The following CELF2 variants were observed in gnomAD, a reference collection of about 807,000 sequenced individuals.
CELF2 encodes the protein CUG triplet repeat RNA-binding protein 2.
Under a neutral mutation model 62.6 loss-of-function variants are expected in CELF2, and 8 were observed. The ratio of observed to expected loss-of-function variants is 0.13; its 90% CI spans 0.07 to 0.23. CELF2 has a LOEUF of 0.23. CELF2 is among the 10% of genes least tolerant of loss of function. CELF2 has a pLI of 1.00. For missense variants in CELF2, 333 were observed against 671.0 expected (o/e 0.50, Z 5.56); for synonymous variants, 258 against 250.0 (o/e 1.03, Z -0.30).
the CELF2 span, among the ~76,000 whole-genome samples, chr10:10,463,994 T>A: frequency 6.6e-6 from 1 of 151,956 alleles, no homozygotes; most frequent in Admixed American, 6.6e-5. Context: ...TTTTGAAGGT[T>A]GTATGCTATT....
chr10:10,709,473 C>T, the CELF2 span, among the ~76,000 whole-genome samples: 1 of 152,106 alleles, frequency 6.6e-6, no homozygotes, highest in African/African-American at 2.4e-5. Context: ...AACTTTGAAG[C>T]TTGCAAAATT....
chr10:11,081,670 A>C (rs891533698), intron 1 of CELF2, among the ~76,000 whole-genome samples: 3 of 152,238 alleles, frequency 2.0e-5, no homozygotes, highest in Non-Finnish European at 2.9e-5. Context: ...ATTTAGAAAT[A>C]GATGAAAATT....
the CELF2 span, among the ~76,000 whole-genome samples, chr10:10,651,598 C>G: frequency 1.4e-5 from 2 of 144,560 alleles, no homozygotes; most frequent in Non-Finnish European, 1.5e-5. Flanking sequence ...GAGGCACCCC[C>G]CAGCAGGGGC....
At chr10:11,104,992 A>G (rs1230945968) in intron 1 of CELF2, among the ~76,000 whole-genome samples, 1 of 152,224 alleles carries the variant, frequency 6.6e-6, no homozygotes, top group Non-Finnish European at 1.5e-5. Context: ...CCACTGTCAC[A>G]GAATGAAGAC....
In CELF2 at chr10:10,847,252, A is replaced by C. The variant is rs117644687; in HGVS notation, c.53+48435A>C. ...CATCTATAAACAAAAGTGGAGGATG[A>C]AATGGCCTACATTAGGTGCAAAGAA... On this transcript the variant is annotated intron_variant, in intron 1 of 13. Transcript: ENST00000636488. Among the ~76,000 whole-genome samples, 638 of 152,238 alleles carry C rather than the reference A, an allele frequency of 4.2e-3. 2 individuals carry two copies. The highest frequency in any genetic ancestry group is 6.9e-3 in the Middle Eastern group (2 of 290).
At chr10:10,945,773 G>A (rs1313459574) in intron 2 of CELF2, among the ~76,000 whole-genome samples, 3 of 152,182 alleles carry the variant, frequency 2.0e-5, no homozygotes, top group South Asian at 2.1e-4. Context: ...GGAGTCAACA[G>A]CGAGGGCCCC....
the CELF2 span, among the ~76,000 whole-genome samples, chr10:10,724,636 A>G: frequency 5.4e-5 from 8 of 148,158 alleles, no homozygotes; most frequent in East Asian, 1.4e-3. Flanking sequence ...AGCCTGGGCA[A>G]CAGAGCAAGA....
At chr10:10,750,640 A>C in the CELF2 span, among the ~76,000 whole-genome samples, 1 of 152,266 alleles carries the variant, frequency 6.6e-6, no homozygotes, top group Non-Finnish European at 1.5e-5. Context: ...AAATAAATTT[A>C]TTCACGCAAA....
the CELF2 span, among the ~76,000 whole-genome samples, chr10:10,766,543 G>A: frequency 6.6e-6 from 1 of 152,186 alleles, no homozygotes; most frequent in East Asian, 1.9e-4. Flanking sequence ...TGGACCCTGG[G>A]GAATGGAGCC....
intron 1 of CELF2, among the ~76,000 whole-genome samples, chr10:11,053,325 ATC>A (rs1379531630): frequency 6.6e-6 from 1 of 152,162 alleles, no homozygotes; most frequent in Admixed American, 6.6e-5. Flanking sequence ...GAATACTCTG[ATC>A]TCTCTCAGTA....
At chr10:10,651,610 C>G in the CELF2 span, among the ~76,000 whole-genome samples, 20 of 146,040 alleles carry the variant, frequency 1.4e-4, no homozygotes, top group African/African-American at 4.3e-4. Flanking sequence ...AGCAGGGGCA[C>G]ACTGACACCT....
rs1017361144 is a variant in CELF2, at chr10:11,165,774, C to T, written c.271+92C>T. On this transcript the variant is annotated intron_variant, in intron 2 of 12. Transcript: ENST00000633077. The surrounding 1 kb of genome is among the most constrained non-coding windows in gnomAD (Gnocchi z 7.4). The stretch of plus-strand genomic sequence containing the variant: ...AGCCCCCAGCCTGCAGGAGGAAGGG[C>T]GGGTAGGCAGGAGGGCTGGAAGCAG... The T allele has an allele frequency of 1.1e-5, 14 of 1,254,358 alleles. No homozygotes were observed. Among genetic ancestry groups the T allele is most frequent in the African/African-American group, 1.5e-5 (1 of 65,792 alleles). 77.7% of individuals were successfully genotyped at this position (1,254,358 alleles called of 1,614,324 possible). A position where few individuals can be genotyped will look rare whatever the true frequency, so the allele number is the denominator to read the frequency against.
intron 1 of CELF2, among the ~76,000 whole-genome samples, chr10:11,109,860 A>T (rs2054655308): frequency 6.6e-6 from 1 of 152,190 alleles, no homozygotes; most frequent in South Asian, 2.1e-4. Context: ...AGCAAAAGGA[A>T]ATTTATTGGC....
the CELF2 span, among the ~76,000 whole-genome samples, chr10:10,584,821 G>A: frequency 0.32 from 48,006 of 152,072 alleles, 7,980 homozygotes; most frequent in East Asian, 0.6. Context: ...CATTTCAAAT[G>A]TGGGTTGTGA....
rs990381324 is a variant in CELF2, at chr10:11,266,720, G to A, written c.618+43G>A. ...CTTTCTTTGTTTTCTTTGTGCAAAT[G>A]ATGGGGAATGGTAAAGCAATTCTCT... On this transcript the variant is annotated intron_variant, in intron 6 of 12. Transcript: ENST00000633077. 3 of 1,504,120 alleles carry A rather than the reference G, an allele frequency of 2.0e-6. No individual in the cohort carries two copies. In the South Asian group the frequency reaches 3.4e-5, roughly 17 times the overall value. The allele number at this position is 1,504,120 out of a possible 1,614,324, so 93.2% of individuals were successfully genotyped here.
At chr10:10,728,057 G>T in the CELF2 span, among the ~76,000 whole-genome samples, 34,619 of 151,456 alleles carry the variant, frequency 0.23, 4,437 homozygotes, top group South Asian at 0.42. Flanking sequence ...GAAGAGAGAG[G>T]GTTGGGGAAG....
the CELF2 span, among the ~76,000 whole-genome samples, chr10:10,477,140 G>T: frequency 2.2e-4 from 33 of 152,108 alleles, no homozygotes; most frequent in Non-Finnish European, 2.9e-5. Flanking sequence ...CTTCAAAATG[G>T]ACAAATATAT....
At chr10:10,534,050 G>C in the CELF2 span, among the ~76,000 whole-genome samples, 88 of 151,802 alleles carry the variant, frequency 5.8e-4, 1 homozygote, top group East Asian at 0.012. Flanking sequence ...CCTGTCACAG[G>C]GTATTTTGAA....
chr10:10,522,029 G>A, the CELF2 span, among the ~76,000 whole-genome samples: 1 of 152,150 alleles, frequency 6.6e-6, no homozygotes, highest in African/African-American at 2.4e-5. Context: ...TCAAGACGTG[G>A]CATCTCCTGG....
Sources: gnomAD v4.1 joint callset for allele counts (sites outside exome capture counted in the v4.1 genomes callset) on GRCh38, gnomAD v4.1.1 for gene constraint, Gnocchi (gnomAD v3.1) non-coding constraint, MANE v1.5 for transcripts, NCBI Gene and HGNC (gene_info 2026-07-23, HGNC 2026-07-21) for gene names.